Variants in TBC1D14 observed in about 807,000 individuals in gnomAD.
TBC1D14 encodes the protein TBC1 domain family member 14.
TBC1D14 carries 26 observed loss-of-function variants against 79.0 expected under a neutral mutation model. The observed-to-expected ratio is 0.33, with a 90% CI of 0.24 to 0.46. TBC1D14 has a LOEUF of 0.46. Among genes scored for constraint, TBC1D14 ranks in the 20% least tolerant of loss-of-function variants. The pLI, the probability that TBC1D14 is intolerant of heterozygous loss-of-function variation, is 1.00. For synonymous variants in TBC1D14, 394 were observed against 349.9 expected, an observed-to-expected ratio of 1.13 and a Z score of -1.40; for missense variants, 769 against 887.6, an observed-to-expected ratio of 0.87 and a Z score of 1.70.
chr4:6,928,662 A>T (rs1464259018), intron 2 of TBC1D14, among the ~76,000 whole-genome samples: 1 of 152,182 alleles, frequency 6.6e-6, no homozygotes, highest in Admixed American at 6.5e-5. Context: ...GTGAAACCTC[A>T]TTTCTACTAA....
chr4:7,018,321 C>G (rs1721480275), intron 12 of TBC1D14, among the ~76,000 whole-genome samples: 1 of 152,132 alleles, frequency 6.6e-6, no homozygotes, highest in African/African-American at 2.4e-5. Flanking sequence ...GTGGGTGTGG[C>G]CAGCTCAGCG....
intron 2 of TBC1D14, among the ~76,000 whole-genome samples, chr4:6,936,485 A>G (rs1253599692): frequency 1.3e-5 from 2 of 152,166 alleles, no homozygotes; most frequent in African/African-American, 2.4e-5. Flanking sequence ...TTAGCACTCA[A>G]TGATGTTTCA....
intron 2 of TBC1D14, among the ~76,000 whole-genome samples, chr4:6,965,273 T>C: frequency 6.6e-6 from 1 of 152,158 alleles, no homozygotes; most frequent in Admixed American, 6.5e-5. Flanking sequence ...TTCTCCTGCC[T>C]CAGCCTCCCG....
chr4:6,933,104 GC>G (rs1486195625), intron 2 of TBC1D14, among the ~76,000 whole-genome samples: 1 of 151,872 alleles, frequency 6.6e-6, no homozygotes, highest in East Asian at 1.9e-4. Flanking sequence ...TTGCTGTGTG[GC>G]CCCTCCATAT....
intron 3 of TBC1D14, among the ~76,000 whole-genome samples, chr4:6,976,773 T>C (rs1366521811): frequency 6.6e-6 from 1 of 152,182 alleles, no homozygotes. Context: ...CCTTTTGTTT[T>C]AACTGAAAGC....
At position 6,967,296 on chromosome 4, in the gene TBC1D14, T is replaced by C; in HGVS notation, c.723-8T>C. On this transcript the variant is annotated splice_polypyrimidine_tract_variant and splice_region_variant and intron_variant, in intron 2 of 13. Transcript: ENST00000409757. ...AAATGCCCTAACCTTGTTATTTTCT[T>C]CCTATAGGAACTTGCTTGCTAGAAA... 1 of 1,613,148 alleles carries C rather than the reference T, an allele frequency of 6.2e-7. No individual in the cohort carries two copies. Among genetic ancestry groups the C allele is most frequent in the Non-Finnish European group, 8.5e-7 (1 of 1,179,802 alleles).
At chr4:6,943,055 G>A (rs1713064469) in intron 2 of TBC1D14, among the ~76,000 whole-genome samples, 1 of 152,182 alleles carries the variant, frequency 6.6e-6, no homozygotes, top group South Asian at 2.1e-4. Context: ...TGCTCCCCTA[G>A]GTTCCTTCCG....
intron 3 of TBC1D14, 149 bp from the exon 4 acceptor site, chr4:6,994,035 T>G: frequency 1.5e-6 from 1 of 657,250 alleles, no homozygotes; most frequent in Non-Finnish European, 2.6e-6. Flanking sequence ...AGTCAGCGGC[T>G]TTTCATTCTG....
At chr4:7,014,259 A>G (rs567835002) in intron 11 of TBC1D14, among the ~76,000 whole-genome samples, 189 bp from the exon 12 acceptor site, 1 of 152,336 alleles carries the variant, frequency 6.6e-6, no homozygotes, top group East Asian at 1.9e-4. Context: ...TATTGATGTC[A>G]TTGTGAAGAT....
intron 5 of TBC1D14, among the ~76,000 whole-genome samples, chr4:6,998,305 A>G (rs2109182302): frequency 6.6e-6 from 1 of 151,436 alleles, no homozygotes; most frequent in African/African-American, 2.4e-5. Context: ...GGTTTCAGTG[A>G]GCCAAGATTG....
chr4:6,948,537 T>G (rs1713702326), intron 2 of TBC1D14, among the ~76,000 whole-genome samples: 1 of 152,008 alleles, frequency 6.6e-6, no homozygotes, highest in Admixed American at 6.5e-5. Flanking sequence ...CACCATGGTG[T>G]TCTCACGGAT....
chr4:6,987,130 A>G (rs1185688988), intron 3 of TBC1D14: 7 of 976,402 alleles, frequency 7.2e-6, no homozygotes, highest in Middle Eastern at 5.2e-4. Context: ...CCCCCTTGGG[A>G]GTCTCCAGCC....
rs1284847823 is a variant in TBC1D14 at position 7,007,639 on chromosome 4, G to C, written c.1446+913G>C. The C allele has an allele frequency of 2.3e-6, 3 of 1,282,662 alleles. No homozygotes were observed. The South Asian group carries it at 3.7e-5, about 16-fold the overall frequency. The allele number at this position is 1,282,662 out of a possible 1,614,324, so 79.5% of individuals were successfully genotyped here. A position where few individuals can be genotyped will look rare whatever the true frequency, so the allele number is the denominator to read the frequency against. Reference sequence around the variant, plus strand: ...TCCTGGTGTCTGGTGCGTGAGCCCAGCGAGCACCCCACTGGCTTGCAGCAG... The same window carrying C: ...TCCTGGTGTCTGGTGCGTGAGCCCACCGAGCACCCCACTGGCTTGCAGCAG... On this transcript the variant is annotated intron_variant, in intron 9 of 13. Transcript: ENST00000409757.
chr4:6,961,228 G>C (rs1400606478), intron 2 of TBC1D14, among the ~76,000 whole-genome samples: 2 of 152,174 alleles, frequency 1.3e-5, no homozygotes, highest in Admixed American at 1.3e-4. Flanking sequence ...TCTTCACATG[G>C]CCGGGTGTGG....
chr4:7,021,726 C>G (rs755779336), intron 12 of TBC1D14, among the ~76,000 whole-genome samples: 3 of 151,094 alleles, frequency 2.0e-5, no homozygotes, highest in Non-Finnish European at 4.4e-5. Context: ...CATTTTTGAT[C>G]TACAACGCAA....
intron 3 of TBC1D14, 120 bp from the exon 4 acceptor site, chr4:6,994,064 T>C: frequency 1.2e-6 from 1 of 817,512 alleles, no homozygotes; most frequent in Non-Finnish European, 2.0e-6. Flanking sequence ...GAAAGGTTTT[T>C]GGCGAATTGT....
intron 7 of TBC1D14, among the ~76,000 whole-genome samples, chr4:7,002,528 C>T (rs1719772688): frequency 1.3e-5 from 2 of 152,174 alleles, no homozygotes; most frequent in South Asian, 4.1e-4. Context: ...AGACATGAGT[C>T]TTAGACATTT....
At chr4:6,961,396 ATCTC>A (rs55741416) in intron 2 of TBC1D14, among the ~76,000 whole-genome samples, 15,413 of 151,994 alleles carry the variant, frequency 0.1, 1,316 homozygotes, top group African/African-American at 0.23. Flanking sequence ...GACCCCCCAA[ATCTC>A]TCTGTGCCAT....
chr4:6,996,259 A>G, intron 4 of TBC1D14, 66 bp from the exon 5 acceptor site: 1 of 1,312,164 alleles, frequency 7.6e-7, no homozygotes, highest in Non-Finnish European at 1.1e-6. Flanking sequence ...ATTATGCTTC[A>G]GGTTTTTTCT....
Sources: gnomAD v4.1 joint callset for allele counts (sites outside exome capture counted in the v4.1 genomes callset) on GRCh38, gnomAD v4.1.1 for gene constraint, MANE v1.5 for transcripts, NCBI Gene and HGNC (gene_info 2026-07-23, HGNC 2026-07-21) for gene names.